DZIP1: variants seen among roughly 807,000 people sequenced by gnomAD.
The protein encoded by DZIP1 is DAZ interacting zinc finger protein 1.
A neutral mutation model predicts 107.6 loss-of-function variants in DZIP1; 97 were observed. The observed-to-expected ratio is 0.90, with a 90% confidence interval of 0.77 to 1.07. DZIP1 has a LOEUF of 1.07. Ranked by LOEUF, DZIP1 falls within the 50% of genes least tolerant of loss-of-function variation. The probability of loss-of-function intolerance (pLI) is 0.00; values close to 1 mark genes in which losing one functional copy is unlikely to be tolerated. For missense variants in DZIP1, 1,035 were observed against 1,063.6 expected (o/e 0.97, Z 0.37); for synonymous variants, 390 against 386.4 (o/e 1.01, Z -0.11).
At chr13:95,605,874 G>GT (rs1194874396) in intron 14 of DZIP1, 129 bp downstream of exon 14, 2 of 911,304 alleles carry the variant, frequency 2.2e-6, no homozygotes, top group Non-Finnish European at 3.4e-6. Context: ...TTTAATAACT[G>GT]TTTTGCAATC....
chr13:95,617,507 A>G (rs1285382197), intron 10 of DZIP1, among the ~76,000 whole-genome samples: 1 of 152,112 alleles, frequency 6.6e-6, no homozygotes, highest in East Asian at 1.9e-4. Context: ...CACCCACTCA[A>G]TTTGTGGTCA....
intron 10 of DZIP1, chr13:95,617,918 G>A (rs1483996119): frequency 3.9e-6 from 2 of 517,480 alleles, no homozygotes; most frequent in Non-Finnish European, 7.7e-6. Flanking sequence ...GGGATTGAGA[G>A]AGAAAGGTGG....
At chr13:95,632,985 T>A (rs1566427422) in intron 6 of DZIP1, among the ~76,000 whole-genome samples, 2 of 152,214 alleles carry the variant, frequency 1.3e-5, no homozygotes, top group Non-Finnish European at 2.9e-5. Flanking sequence ...TGTTTAAATG[T>A]GTCTCCTCAA....
In DZIP1 at chr13:95,589,827, GA is replaced by G. The variant is rs2044262656; in HGVS notation, c.1948del (p.Ser650LeufsTer68). On this transcript the variant is annotated frameshift_variant, in exon 18 of 23. Coordinates refer to ENST00000376829, the MANE Select transcript of DZIP1 (RefSeq NM_198968.4). LOFTEE classifies it high-confidence loss of function. ...NRQLIRQKAV[S>X]TDRTSVPKIK... ...CTTTGGAACAGATGTCCTATCAGTA[GA>G]AACAGCTTTTTGTCTAATCAGTTGT... is the stretch of plus-strand genomic sequence containing the variant. 6.2e-7 allele frequency: 1 copy of G among 1,613,946 alleles called. No homozygotes were observed. The highest frequency in any genetic ancestry group is 8.5e-7 in the Non-Finnish European group (1 of 1,179,982).
At chr13:95,593,549 A>C (rs2044367164) in intron 16 of DZIP1, among the ~76,000 whole-genome samples, 1 of 152,222 alleles carries the variant, frequency 6.6e-6, no homozygotes, top group Admixed American at 6.5e-5. Flanking sequence ...GTATTAATGA[A>C]GTGCTGGTTT....
chr13:95,621,188 G>A (rs1270277345), intron 9 of DZIP1, among the ~76,000 whole-genome samples: 4 of 152,182 alleles, frequency 2.6e-5, no homozygotes, highest in Non-Finnish European at 4.4e-5. Context: ...CCCGAAAACT[G>A]GGAGCTGCAG....
intron 21 of DZIP1, among the ~76,000 whole-genome samples, chr13:95,585,289 C>T (rs551311807): frequency 9.9e-5 from 15 of 152,180 alleles, no homozygotes; most frequent in Non-Finnish European, 1.8e-4. Context: ...ACTGTGGGTA[C>T]ATCAGACCAA....
chr13:95,641,936 C>A lies in DZIP1; in HGVS notation c.36+58G>T. The stretch of plus-strand genomic sequence containing the variant: ...TGGGGAGCTGGGGGTCCGGGGAAGC[C>A]CCGGTTCTCCCCAGCCCGGCATCCC... On this transcript the variant is annotated intron_variant, in intron 4 of 22. Transcript: ENST00000376829. This position sits in a 1 kb window ranked among gnomAD's most constrained non-coding sequence, Gnocchi z 4.3. 6.6e-7 allele frequency: 1 copy of A among 1,513,550 alleles called. No individual in the cohort carries two copies. The highest frequency in any genetic ancestry group is 1.3e-5 in the South Asian group (1 of 77,122). 93.8% of individuals were successfully genotyped at this position (1,513,550 alleles called of 1,614,324 possible). A position where few individuals can be genotyped will look rare whatever the true frequency, so the allele number is the denominator to read the frequency against.
intron 10 of DZIP1, among the ~76,000 whole-genome samples, chr13:95,619,079 G>T (rs1481533014): frequency 6.7e-6 from 1 of 149,586 alleles, no homozygotes; most frequent in African/African-American, 2.5e-5. Context: ...GCAGTTCTGT[G>T]ATACAAAAAA....
At chr13:95,638,441 T>A (rs995376098) in intron 5 of DZIP1, among the ~76,000 whole-genome samples, 2 of 152,180 alleles carry the variant, frequency 1.3e-5, no homozygotes, top group Non-Finnish European at 2.9e-5. Flanking sequence ...TACATTAGTC[T>A]ATGCACTTTT....
At chr13:95,616,207 G>A (rs534284090) in intron 10 of DZIP1, among the ~76,000 whole-genome samples, 3 of 152,182 alleles carry the variant, frequency 2.0e-5, no homozygotes, top group Non-Finnish European at 4.4e-5. Context: ...GAACGCCATC[G>A]TCCTAACTAC....
At chr13:95,605,967 T>G (rs1239476919) in intron 14 of DZIP1, 36 bp downstream of exon 14, 1 of 1,606,012 alleles carries the variant, frequency 6.2e-7, no homozygotes, top group African/African-American at 1.3e-5. Flanking sequence ...GGGTGGCAAC[T>G]GCACATAAAA....
chr13:95,631,465 T>C (rs1291015648), intron 6 of DZIP1, among the ~76,000 whole-genome samples: 4 of 149,204 alleles, frequency 2.7e-5, no homozygotes, highest in Admixed American at 1.3e-4. Flanking sequence ...AGATTCCATC[T>C]CAAAAAAAAA....
intron 16 of DZIP1, among the ~76,000 whole-genome samples, chr13:95,592,378 A>C (rs1479884757): frequency 6.6e-6 from 1 of 152,216 alleles, no homozygotes; most frequent in Non-Finnish European, 1.5e-5. Flanking sequence ...TTTAAGAAAC[A>C]ATCTGCACAG....
rs2044376873 is a variant in DZIP1 at position 95,593,983 on chromosome 13, C to A, written c.1641G>T (p.Gln547His). 1.2e-6 allele frequency: 2 copies of A among 1,611,650 alleles called. No individual in the cohort carries two copies. The highest frequency in any genetic ancestry group is 1.7e-6 in the Non-Finnish European group (2 of 1,179,200). ...LTKGLRTMVE[Q>H]NLMEKLETLG... Reference sequence around the variant, plus strand: ...AGGTTTCCAGTTTCTCCATCAAGTTCTGCTCCACCATTGTTCTTAGTCCCT... The same window carrying A: ...AGGTTTCCAGTTTCTCCATCAAGTTATGCTCCACCATTGTTCTTAGTCCCT... Residue 547 changes from glutamine (Q) to histidine (H), a missense_variant, in exon 16 of 23, where the codon CAG becomes CAT. Physicochemically the swap from Gln to His is conservative, Grantham distance 24. Transcript: ENST00000376829.
intron 22 of DZIP1, among the ~76,000 whole-genome samples, chr13:95,583,329 T>C (rs756466928): frequency 1.3e-4 from 20 of 150,222 alleles, no homozygotes; most frequent in Non-Finnish European, 1.9e-4. Flanking sequence ...GCGTGAGAGG[T>C]GCGGTGGGTG....
intron 6 of DZIP1, among the ~76,000 whole-genome samples, chr13:95,631,069 G>A (rs1877135043): frequency 6.6e-6 from 1 of 152,070 alleles, no homozygotes; most frequent in African/African-American, 2.4e-5. Flanking sequence ...ACTGAAATGG[G>A]CAAGAATGGA....
rs958559101 is a variant in DZIP1 at position 95,619,728 on chromosome 13, G to A, written c.1173+157C>T. Among the ~76,000 whole-genome samples the A allele has an allele frequency of 2.6e-5, 4 of 151,986 alleles. No homozygotes were observed. The East Asian group carries it at 7.7e-4, about 29-fold the overall frequency. On this transcript the variant is annotated intron_variant, in intron 10 of 22. Transcript: ENST00000376829. ...AACAAATTATAAGAAAGTAGTAGCA[G>A]TGGTTATTTTGGTGTTAGAATTATA...
Position 95,641,472 on chromosome 13 carries a change from CGAGGT to C in DZIP1, c.415_419del (p.Thr139AlafsTer64). On this transcript the variant is annotated frameshift_variant, in exon 5 of 23. Transcript: ENST00000376829. LOFTEE classifies it high-confidence loss of function. The surrounding 1 kb of genome is among the most constrained non-coding windows in gnomAD (Gnocchi z 4.3). Reference sequence around the variant, plus strand: ...GCCGCTCCTCCAGGGTGTGCAGCTGCGAGGTGAGGAACTCTTGTGAGTGCAGCAAG... The same window carrying C: ...GCCGCTCCTCCAGGGTGTGCAGCTGCGAGGAACTCTTGTGAGTGCAGCAAG... 6.2e-7 allele frequency: 1 copy of C among 1,614,092 alleles called. No homozygotes were observed. The highest frequency in any genetic ancestry group is 8.5e-7 in the Non-Finnish European group (1 of 1,180,018).
Sources: allele counts gnomAD v4.1 joint callset (sites outside exome capture counted in the v4.1 genomes callset), GRCh38; gene constraint gnomAD v4.1.1; non-coding constraint Gnocchi (gnomAD v3.1); transcripts MANE v1.5; gene names NCBI Gene and HGNC (gene_info 2026-07-23, HGNC 2026-07-21).